The following TTC34 variants were observed in gnomAD, a reference collection of about 807,000 sequenced individuals.
The protein encoded by TTC34 is tetratricopeptide repeat domain 34.
Under a neutral mutation model 40.7 loss-of-function variants are expected in TTC34, and 44 were observed. That is an observed-to-expected ratio of 1.08 (90% CI 0.85 to 1.39). TTC34 has a LOEUF of 1.39. TTC34 is among the 40% of genes most tolerant of loss of function. The pLI is 0.00. For missense variants in TTC34, 884 were observed against 838.0 expected (o/e 1.05, Z -0.68); for synonymous variants, 422 against 398.6 (o/e 1.06, Z -0.70).
intron 6 of TTC34, among the ~76,000 whole-genome samples, chr1:2,687,043 A>T (rs796737740): frequency 1.3e-4 from 6 of 45,482 alleles, no homozygotes; most frequent in South Asian, 7.7e-4. Flanking sequence ...AGCACCCACA[A>T]CCCCAGGCGT....
At position 2,795,107 on chromosome 1, in the gene TTC34, C is replaced by T. The variant is rs896720795; in HGVS notation, c.785-4761G>A. Among the ~76,000 whole-genome samples, 7 of 151,356 alleles carry T rather than the reference C, an allele frequency of 4.6e-5. No individual in the cohort carries two copies. The East Asian group carries it at 1.2e-3, about 25-fold the overall frequency. ...TCTACAAAAAAAAAAAAAAATTAGC[C>T]AGTTGTGATGGTGTGTACCTATAGT... On this transcript the variant is annotated intron_variant, in intron 2 of 8. Coordinates refer to ENST00000401095, the Ensembl canonical transcript of TTC34.
At chr1:2,691,246 G>A (rs1569588777) in intron 6 of TTC34, among the ~76,000 whole-genome samples, 1 of 91,416 alleles carries the variant, frequency 1.1e-5, no homozygotes, top group East Asian at 2.6e-4. Flanking sequence ...CTGACAGCCT[G>A]CAACAGCACC....
intron 5 of TTC34, among the ~76,000 whole-genome samples, chr1:2,784,418 GT>G (rs1643544641): frequency 6.6e-6 from 1 of 152,174 alleles, no homozygotes; most frequent in South Asian, 2.1e-4. Flanking sequence ...ACAGGGAGGG[GT>G]TTAGACCTCT....
At chr1:2,643,040 C>T (rs1216132163) in intron 8 of TTC34, among the ~76,000 whole-genome samples, 2 of 152,178 alleles carry the variant, frequency 1.3e-5, no homozygotes, top group Middle Eastern at 6.4e-3. Context: ...AGTGAAGCCT[C>T]GGCCCGCGCA....
intron 6 of TTC34, among the ~76,000 whole-genome samples, chr1:2,750,152 C>G (rs1641267635): frequency 3.3e-5 from 5 of 151,032 alleles, no homozygotes; most frequent in African/African-American, 7.3e-5. Context: ...CAGCGTGGAG[C>G]AGAACAAACA....
intron 6 of TTC34, among the ~76,000 whole-genome samples, chr1:2,772,982 A>G (rs1307518637): frequency 6.7e-6 from 1 of 148,244 alleles, no homozygotes; most frequent in South Asian, 2.2e-4. Flanking sequence ...GCACACCCCC[A>G]GGCGAGCATC....
chr1:2,692,309 A>AG (rs373215378), intron 6 of TTC34, among the ~76,000 whole-genome samples: 4 of 48,540 alleles, frequency 8.2e-5, no homozygotes, highest in Non-Finnish European at 1.9e-4. Flanking sequence ...GCACACCCCC[A>AG]GTGAGCATCT....
At chr1:2,768,209 C>G (rs1641849802) in intron 6 of TTC34, among the ~76,000 whole-genome samples, 1 of 151,760 alleles carries the variant, frequency 6.6e-6, no homozygotes, top group Non-Finnish European at 1.5e-5. Flanking sequence ...GTGCCCACCC[C>G]TGGGTGAGGA....
intron 6 of TTC34, among the ~76,000 whole-genome samples, chr1:2,758,312 T>C (rs1159936242): frequency 7.2e-5 from 4 of 55,708 alleles, no homozygotes; most frequent in South Asian, 1.0e-3. Context: ...ACAGCACCCA[T>C]ACGCCCAGAT....
exon 9 of TTC34, chr1:2,638,643 G>C (rs1484032887): frequency 3.3e-5 from 5 of 152,368 alleles, no homozygotes; most frequent in African/African-American, 9.6e-5. Flanking sequence ...TCAGGACCCA[G>C]AGCAGCTGTG....
At chr1:2,753,358 C>A (rs1401870223) in intron 6 of TTC34, among the ~76,000 whole-genome samples, 4 of 94,506 alleles carry the variant, frequency 4.2e-5, no homozygotes, top group East Asian at 4.7e-4. Context: ...ATCTGACAGC[C>A]TAGAACAGCA....
chr1:2,750,603 C>A (rs1641285786), intron 6 of TTC34, among the ~76,000 whole-genome samples: 9 of 148,696 alleles, frequency 6.1e-5, no homozygotes, highest in African/African-American at 1.3e-4. Flanking sequence ...CAGCACCCCA[C>A]ACCCACAGGT....
chr1:2,676,968 C>CT (rs1639927252), intron 6 of TTC34, among the ~76,000 whole-genome samples: 1 of 134,796 alleles, frequency 7.4e-6, no homozygotes, highest in Non-Finnish European at 1.6e-5. Context: ...GCACCCTGCA[C>CT]CCCCAGGTGA....
chr1:2,687,230 G>T (rs1277052241), intron 6 of TTC34, among the ~76,000 whole-genome samples: 2 of 144,282 alleles, frequency 1.4e-5, no homozygotes, highest in Non-Finnish European at 3.0e-5. Flanking sequence ...CGACAGCCTG[G>T]AGCAGCACCC....
At chr1:2,681,185 C>T (rs1159544960) in intron 6 of TTC34, among the ~76,000 whole-genome samples, 1 of 127,086 alleles carries the variant, frequency 7.9e-6, no homozygotes, top group East Asian at 2.1e-4. Context: ...CACCCACGCC[C>T]ACAGGCGAGC....
chr1:2,751,974 A>C lies in TTC34; in HGVS notation c.2226+31635T>G, dbSNP rs1484323962. Among the ~76,000 whole-genome samples the C allele has an allele frequency of 6.5e-4, 77 of 118,426 alleles. 15 individuals carry two copies. The highest frequency in any genetic ancestry group is 4.0e-3 in the Middle Eastern group (1 of 252). 77.7% of individuals were successfully genotyped at this position (118,426 alleles called of 152,430 possible). ...AGTCTGGAGCAGCGCCCACACCCCC[A>C]GGCGAGCATTTGACAGCCTGGAGCA... is the stretch of plus-strand genomic sequence containing the variant. On this transcript the variant is annotated intron_variant, in intron 6 of 8. Coordinates refer to ENST00000401095, the Ensembl canonical transcript of TTC34.
chr1:2,758,922 GGTGAGCATCTTATAT>G (rs2100455588), intron 6 of TTC34, among the ~76,000 whole-genome samples: 1 of 39,092 alleles, frequency 2.6e-5, no homozygotes, highest in Non-Finnish European at 3.9e-5. Flanking sequence ...CACACCCCCA[GGTGAGCATCTTATAT>G]CCTGGAACAG....
At chr1:2,748,932 T>C (rs1376497074) in intron 6 of TTC34, among the ~76,000 whole-genome samples, 160 of 2,146 alleles carry the variant, frequency 0.075, no homozygotes, top group African/African-American at 0.11. Flanking sequence ...GCCAGGGGAG[T>C]ATCTGACAGA....
chr1:2,781,211 G>T (rs1643478067), intron 6 of TTC34, among the ~76,000 whole-genome samples: 1 of 152,204 alleles, frequency 6.6e-6, no homozygotes, highest in African/African-American at 2.4e-5. Context: ...GGGGTTGGGG[G>T]TTCCACAGGG....
Sources: gnomAD v4.1 joint callset for allele counts (sites outside exome capture counted in the v4.1 genomes callset) on GRCh38, gnomAD v4.1.1 for gene constraint, MANE v1.5 for transcripts, NCBI Gene and HGNC (gene_info 2026-07-23, HGNC 2026-07-21) for gene names.